PCDHA9: variants seen among roughly 807,000 people sequenced by gnomAD.
PCDHA9 encodes protocadherin alpha-9.
A neutral mutation model predicts 62.0 loss-of-function variants in PCDHA9; 62 were observed. That is an observed-to-expected ratio of 1.00 (90% CI 0.81 to 1.23). The LOEUF (loss-of-function observed/expected upper bound fraction) is 1.23, where lower values mean the gene tolerates loss of function less well. PCDHA9 is among the 50% of genes most tolerant of loss of function. The pLI, the probability that PCDHA9 is intolerant of heterozygous loss-of-function variation, is 0.00. For synonymous variants in PCDHA9, 557 were observed against 567.6 expected, an observed-to-expected ratio of 0.98 and a Z score of 0.27; for missense variants, 1,205 against 1,249.8, an observed-to-expected ratio of 0.96 and a Z score of 0.54.
chr5:141,004,869 A>T (rs908726845), intron 3 of PCDHA9, among the ~76,000 whole-genome samples: 3 of 152,218 alleles, frequency 2.0e-5, no homozygotes, highest in Non-Finnish European at 2.9e-5. Flanking sequence ...TTTGTTTCTC[A>T]TCCCTAAAGT....
intron 1 of PCDHA9, among the ~76,000 whole-genome samples, chr5:140,973,030 C>G (rs1274875201): frequency 1.3e-5 from 2 of 152,014 alleles, no homozygotes; most frequent in African/African-American, 4.8e-5. Context: ...TAATGAGTCA[C>G]TTTGAGTACT....
At chr5:140,870,385 G>C (rs548890657) in intron 1 of PCDHA9, 2 of 1,614,240 alleles carry the variant, frequency 1.2e-6, no homozygotes, top group African/African-American at 2.7e-5. Context: ...GACTGCGCGG[G>C]ATGGGGGTTC....
chr5:140,851,517 A>T, intron 1 of PCDHA9: 3 of 904,862 alleles, frequency 3.3e-6, no homozygotes, highest in Non-Finnish European at 4.0e-6. Context: ...AATATGTTTT[A>T]AAATGCCTGA....
intron 3 of PCDHA9, among the ~76,000 whole-genome samples, chr5:140,984,683 T>A (rs1481664684): frequency 6.6e-6 from 1 of 152,200 alleles, no homozygotes; most frequent in East Asian, 1.9e-4. Flanking sequence ...GGACTCAATA[T>A]ATGTTCTGCA....
rs782157769 is a variant in PCDHA9, at chr5:140,877,409, G to T, written c.2394+26520G>T. On this transcript the variant is annotated intron_variant, in intron 1 of 3. Coordinates refer to ENST00000532602, the MANE Select transcript of PCDHA9 (RefSeq NM_031857.2). ...GATGAGGCGGACGCTCCGCGCCACC[G>T]CCTGCTGGTGCTGGTGAAGGACCAC... 11 of 1,613,802 alleles carry T rather than the reference G, an allele frequency of 6.8e-6. No homozygotes were observed. The African/African-American group carries it at 1.3e-4, about 20-fold the overall frequency.
At chr5:140,871,649 G>T (rs781859029) in intron 1 of PCDHA9, 1 of 1,265,824 alleles carries the variant, frequency 7.9e-7, no homozygotes, top group Admixed American at 2.9e-5. Flanking sequence ...AATACCAAAT[G>T]ATACACATCT....
intron 3 of PCDHA9, among the ~76,000 whole-genome samples, chr5:140,997,668 T>TTG (rs35184029): frequency 0.084 from 12,442 of 148,286 alleles, 534 homozygotes; most frequent in Admixed American, 0.1. Flanking sequence ...ATTATACAGC[T>TTG]TGTGTGTGTG....
At chr5:140,899,359 T>A (rs1247414230) in intron 1 of PCDHA9, among the ~76,000 whole-genome samples, 57 of 152,234 alleles carry the variant, frequency 3.7e-4, no homozygotes, top group Admixed American at 1.4e-3. Flanking sequence ...TTTTGAGATA[T>A]GTCCCATCAA....
chr5:141,004,604 C>A (rs1282201587), intron 3 of PCDHA9, among the ~76,000 whole-genome samples: 1 of 152,176 alleles, frequency 6.6e-6, no homozygotes, highest in African/African-American at 2.4e-5. Context: ...GTGCTTAGGC[C>A]TCATGCAGAG....
In PCDHA9 at chr5:140,850,659, C is replaced by G. The variant is rs782752701; in HGVS notation, c.2164C>G (p.Arg722Gly). The change falls in exon 1 of 4, where the codon CGG becomes GGG. Residue 722 changes from arginine to glycine, a missense_variant. This residue lies in a region of PCDHA9 where 887 missense variants were observed against 809.5 expected (regional missense o/e 1.10). Coordinates refer to ENST00000532602, the MANE Select transcript of PCDHA9 (RefSeq NM_031857.2). The part of the protein sequence containing the change: ...VLTLLLYTVL[R>G]CSAMPTEGEC... Reference sequence around the variant, plus strand: ...CACGCTGCTGCTGTACACTGTGCTGCGGTGCTCGGCGATGCCCACCGAGGG... The same window carrying G: ...CACGCTGCTGCTGTACACTGTGCTGGGGTGCTCGGCGATGCCCACCGAGGG... 6.3e-7 allele frequency: 1 copy of G among 1,598,246 alleles called. No homozygotes were observed. Among genetic ancestry groups the G allele is most frequent in the African/African-American group, 1.3e-5 (1 of 74,282 alleles).
intron 1 of PCDHA9, chr5:140,884,756 T>A: frequency 7.0e-7 from 1 of 1,427,108 alleles, no homozygotes; most frequent in Admixed American, 3.0e-5. Flanking sequence ...TTTCAAATTA[T>A]TCTTTACTTT....
chr5:140,903,279 A>C (rs940299316), intron 1 of PCDHA9, among the ~76,000 whole-genome samples: 1 of 152,170 alleles, frequency 6.6e-6, no homozygotes, highest in East Asian at 1.9e-4. Flanking sequence ...GTAGTGTCTC[A>C]TTGTGCATTA....
chr5:140,885,920 C>T (rs1554182299), intron 1 of PCDHA9, among the ~76,000 whole-genome samples: 1 of 151,998 alleles, frequency 6.6e-6, no homozygotes, highest in East Asian at 1.9e-4. Context: ...TAGATATTAA[C>T]TGTTTATCTA....
chr5:140,941,619 C>T (rs1300512502), intron 1 of PCDHA9, among the ~76,000 whole-genome samples: 1 of 151,848 alleles, frequency 6.6e-6, no homozygotes, highest in African/African-American at 2.4e-5. Flanking sequence ...CCAGCCCATC[C>T]TGCTTCTTAA....
chr5:140,870,100 T>C (rs1554163812), intron 1 of PCDHA9: 2 of 1,613,914 alleles, frequency 1.2e-6, no homozygotes, highest in Admixed American at 3.3e-5. Context: ...GGCAGGTCAC[T>C]GTACAGTCTG....
intron 1 of PCDHA9, chr5:140,884,564 A>C: frequency 6.2e-7 from 1 of 1,614,118 alleles, no homozygotes; most frequent in Non-Finnish European, 8.5e-7. Flanking sequence ...GGGCCCGCAT[A>C]AGACGGACCT....
intron 3 of PCDHA9, among the ~76,000 whole-genome samples, chr5:140,994,546 A>T (rs1168797848): frequency 6.6e-6 from 1 of 152,066 alleles, no homozygotes; most frequent in Non-Finnish European, 1.5e-5. Context: ...CTACAAAAAA[A>T]ATATAAAAAT....
intron 1 of PCDHA9, chr5:140,857,265 T>G: frequency 1.3e-6 from 2 of 1,598,672 alleles, no homozygotes; most frequent in Non-Finnish European, 1.7e-6. Flanking sequence ...TACTACTCAT[T>G]GGTGCTGGAC....
At position 141,000,421 on chromosome 5, in the gene PCDHA9, A is replaced by ATTTTTT. The variant is rs34755515; in HGVS notation, c.2543-9188_2543-9183dup. On this transcript the variant is annotated intron_variant, in intron 3 of 3. Coordinates refer to ENST00000532602, the MANE Select transcript of PCDHA9 (RefSeq NM_031857.2). ...TATATATATATATATATATATATAT[A>ATTTTTT]TTTTTTTTTTTTTTTTTTTTTTTGA... 3.2e-4 allele frequency among the ~76,000 whole-genome samples: 9 copies of ATTTTTT among 27,978 alleles called. 1 individual carries two copies. The highest frequency in any genetic ancestry group is 5.3e-4 in the African/African-American group (3 of 5,638). 18.4% of individuals were successfully genotyped at this position (27,978 alleles called of 152,430 possible).
Sources: allele counts gnomAD v4.1 joint callset (sites outside exome capture counted in the v4.1 genomes callset), GRCh38; gene constraint gnomAD v4.1.1; regional missense constraint gnomAD v4.1.1; transcripts MANE v1.5; gene names NCBI Gene and HGNC (gene_info 2026-07-23, HGNC 2026-07-21).